GPC5: variants seen among roughly 807,000 people sequenced by gnomAD.
GPC5 encodes glypican 5.
Under a neutral mutation model 53.9 loss-of-function variants are expected in GPC5, and 47 were observed. The ratio of observed to expected loss-of-function variants is 0.87; its 90% CI spans 0.69 to 1.11. The LOEUF (loss-of-function observed/expected upper bound fraction) is 1.11. Ranked by LOEUF, GPC5 falls within the 50% of genes most tolerant of loss-of-function variation. GPC5 has a pLI of 0.00. For missense variants in GPC5, 748 were observed against 713.1 expected, an observed-to-expected ratio of 1.05 and a Z score of -0.56; for synonymous variants, 286 against 263.3, an observed-to-expected ratio of 1.09 and a Z score of -0.84.
At chr13:91,512,592 C>T (rs918282137) in intron 2 of GPC5, among the ~76,000 whole-genome samples, 1 of 152,230 alleles carries the variant, frequency 6.6e-6, no homozygotes, top group African/African-American at 2.4e-5. Flanking sequence ...ACCTCCTGCC[C>T]TTCCCTGGCC....
intron 5 of GPC5, among the ~76,000 whole-genome samples, chr13:91,793,632 AC>A (rs1427762276): frequency 2.6e-5 from 4 of 152,150 alleles, no homozygotes; most frequent in African/African-American, 9.7e-5. Context: ...CTATAAAGAA[AC>A]TACCTGAGAC....
intron 7 of GPC5, among the ~76,000 whole-genome samples, chr13:92,390,263 G>A (rs1223747200): frequency 6.6e-6 from 1 of 152,132 alleles, no homozygotes; most frequent in Admixed American, 6.6e-5. Flanking sequence ...GAAGATTTAT[G>A]TTAGGAAAGT....
intron 7 of GPC5, among the ~76,000 whole-genome samples, chr13:92,525,094 A>G (rs1000294698): frequency 3.3e-5 from 5 of 152,126 alleles, no homozygotes; most frequent in Admixed American, 6.6e-5. Context: ...CTGAAAGGCC[A>G]TACCATCGCA....
rs1274115472 is a variant in GPC5 at position 91,756,074 on chromosome 13, T to G, written c.1155-221T>G. On this transcript the variant is annotated intron_variant, in intron 4 of 7. Coordinates refer to ENST00000377067, the MANE Select transcript of GPC5 (RefSeq NM_004466.6). ...TAAACTAAAATACTAGCTTTTTTTTTGAAAAAAAAAAAAAAGTAATGTATT... is the reference window on the plus strand; with the variant it reads ...TAAACTAAAATACTAGCTTTTTTTTGGAAAAAAAAAAAAAAGTAATGTATT... 2.4e-3 allele frequency among the ~76,000 whole-genome samples: 53 copies of G among 21,898 alleles called. 1 individual carries two copies. Among genetic ancestry groups the G allele is most frequent in the African/African-American group, 6.7e-3 (41 of 6,124 alleles). The allele number at this position is 21,898 out of a possible 152,430, so 14.4% of individuals were successfully genotyped here.
intron 7 of GPC5, among the ~76,000 whole-genome samples, chr13:92,301,524 C>G (rs188601385): frequency 2.6e-5 from 4 of 152,252 alleles, no homozygotes; most frequent in African/African-American, 9.6e-5. Flanking sequence ...CTTAACCTGT[C>G]CGTGATTCCA....
intron 7 of GPC5, among the ~76,000 whole-genome samples, chr13:92,469,479 A>C (rs1179217273): frequency 6.6e-6 from 1 of 152,180 alleles, no homozygotes; most frequent in Non-Finnish European, 1.5e-5. Flanking sequence ...TAAATCATTA[A>C]TCTAAGGTCT....
intron 5 of GPC5, among the ~76,000 whole-genome samples, chr13:91,860,489 C>CTCT (rs2039015160): frequency 1.4e-5 from 2 of 148,036 alleles, no homozygotes; most frequent in African/African-American, 5.0e-5. Context: ...TTCCTTCCTT[C>CTCT]CTCTTTCTTT....
intron 7 of GPC5, among the ~76,000 whole-genome samples, chr13:92,262,554 G>C (rs913066299): frequency 6.6e-6 from 1 of 152,080 alleles, no homozygotes; most frequent in African/African-American, 2.4e-5. Context: ...CCATGCATTT[G>C]AGCTCACGTG....
At chr13:92,579,683 T>C (rs1313972273) in intron 7 of GPC5, among the ~76,000 whole-genome samples, 1 of 152,142 alleles carries the variant, frequency 6.6e-6, no homozygotes, top group East Asian at 1.9e-4. Context: ...CTTGTCTTTG[T>C]TATAACATGT....
At chr13:92,062,613 G>A (rs1388634838) in intron 6 of GPC5, among the ~76,000 whole-genome samples, 1 of 151,918 alleles carries the variant, frequency 6.6e-6, no homozygotes, top group Non-Finnish European at 1.5e-5. Context: ...AATTGAATAT[G>A]CATAATGGCA....
intron 2 of GPC5, among the ~76,000 whole-genome samples, chr13:91,498,684 G>A (rs1159434812): frequency 6.6e-6 from 1 of 152,070 alleles, no homozygotes; most frequent in Non-Finnish European, 1.5e-5. Flanking sequence ...GGTGGTCAGG[G>A]TAGCTGTAGG....
intron 1 of GPC5, among the ~76,000 whole-genome samples, chr13:91,427,111 A>C (rs909450058): frequency 5.3e-5 from 8 of 152,130 alleles, no homozygotes; most frequent in African/African-American, 1.9e-4. Context: ...CTCGTGGAGA[A>C]CCTCTGCTAG....
At chr13:92,172,244 A>G (rs562236849) in intron 7 of GPC5, among the ~76,000 whole-genome samples, 1 of 152,288 alleles carries the variant, frequency 6.6e-6, no homozygotes, top group African/African-American at 2.4e-5. Context: ...CAGAATTTCC[A>G]GTTTGGAGTA....
intron 7 of GPC5, among the ~76,000 whole-genome samples, chr13:92,361,916 A>G (rs992886712): frequency 1.3e-5 from 2 of 151,556 alleles, no homozygotes; most frequent in Non-Finnish European, 2.9e-5. Flanking sequence ...ACAGCTAACG[A>G]GCTTTTGTAA....
chr13:92,018,934 A>G (rs1424448751), intron 6 of GPC5, among the ~76,000 whole-genome samples: 1 of 152,090 alleles, frequency 6.6e-6, no homozygotes, highest in African/African-American at 2.4e-5. Context: ...TGAATATGGT[A>G]GAAGGCACAC....
At chr13:91,419,481 C>T (rs763911709) in intron 1 of GPC5, among the ~76,000 whole-genome samples, 5 of 152,028 alleles carry the variant, frequency 3.3e-5, no homozygotes, top group Non-Finnish European at 7.4e-5. Context: ...AAAGAATAAT[C>T]CAGTCAACAA....
chr13:91,905,024 A>G (rs771549030), intron 5 of GPC5, among the ~76,000 whole-genome samples: 1 of 152,026 alleles, frequency 6.6e-6, no homozygotes, highest in Non-Finnish European at 1.5e-5. Context: ...AATCAGTCAG[A>G]CTTCCCGTAC....
intron 6 of GPC5, among the ~76,000 whole-genome samples, chr13:91,921,486 C>T (rs71427529): frequency 1.5e-4 from 23 of 152,052 alleles, no homozygotes; most frequent in South Asian, 1.0e-3. Context: ...GAAATAAATA[C>T]TTAGAAAGAT....
intron 6 of GPC5, among the ~76,000 whole-genome samples, chr13:92,101,313 T>C (rs1458764039): frequency 1.3e-5 from 2 of 152,206 alleles, no homozygotes; most frequent in Non-Finnish European, 2.9e-5. Flanking sequence ...TTCAAAATGA[T>C]ATTTTATTTT....
Sources: gnomAD v4.1 joint callset for allele counts (sites outside exome capture counted in the v4.1 genomes callset) on GRCh38, gnomAD v4.1.1 for gene constraint, MANE v1.5 for transcripts, NCBI Gene and HGNC (gene_info 2026-07-23, HGNC 2026-07-21) for gene names.